The following NTRK2 variants were observed in gnomAD, a reference collection of about 807,000 sequenced individuals.
NTRK2 encodes the protein neurotrophic receptor tyrosine kinase 2, also known as BDNF/NT-3 growth factors receptor.
Under a neutral mutation model 94.5 loss-of-function variants are expected in NTRK2, and 13 were observed. The ratio of observed to expected loss-of-function variants is 0.14; its 90% confidence interval spans 0.09 to 0.22. The LOEUF is 0.22. Among genes scored for constraint, NTRK2 ranks in the 10% least tolerant of loss-of-function variants. The probability of loss-of-function intolerance (pLI) is 1.00; values close to 1 mark genes in which losing one functional copy is unlikely to be tolerated. For missense variants in NTRK2, 639 were observed against 1,071.2 expected (o/e 0.60, Z 5.63); for synonymous variants, 372 against 407.4 (o/e 0.91, Z 1.05).
intron 12 of NTRK2, among the ~76,000 whole-genome samples, chr9:84,776,201 T>C (rs2067023337): frequency 6.6e-6 from 1 of 151,150 alleles, no homozygotes; most frequent in Non-Finnish European, 1.5e-5. Context: ...ATACAGACTG[T>C]TTAAAAGCTT....
rs2068422814 is a variant in NTRK2, at chr9:84,788,892, C to A, written c.1396+36807C>A. Among the ~76,000 whole-genome samples the A allele has an allele frequency of 2.0e-5, 3 of 152,098 alleles. No individual in the cohort carries two copies. The South Asian group carries it at 6.2e-4, about 32-fold the overall frequency. On this transcript the variant is annotated intron_variant, in intron 12 of 18. Transcript: ENST00000277120. ...CAAGGAATTAGAACACAGCCCACACCCATCCATTAGGAAGTCATTAGCCTA... is the reference window on the plus strand; with the variant it reads ...CAAGGAATTAGAACACAGCCCACACACATCCATTAGGAAGTCATTAGCCTA...
At chr9:84,807,166 G>T (rs145984500) in intron 12 of NTRK2, among the ~76,000 whole-genome samples, 66 of 152,304 alleles carry the variant, frequency 4.3e-4, no homozygotes, top group African/African-American at 1.5e-3. Flanking sequence ...TAAATGTACT[G>T]CAGATCCTTG....
At chr9:84,676,263 G>T (rs2059046126) in intron 2 of NTRK2, among the ~76,000 whole-genome samples, 2 of 152,318 alleles carry the variant, frequency 1.3e-5, no homozygotes, top group South Asian at 4.1e-4. Flanking sequence ...CGGTCACGGA[G>T]ATAAGGAAGT....
chr9:84,949,445 GATTTATTTATTTATTT>G (rs71959281), intron 16 of NTRK2, among the ~76,000 whole-genome samples: 76 of 147,902 alleles, frequency 5.1e-4, no homozygotes, highest in Middle Eastern at 3.5e-3. Context: ...GATTGGTTGG[GATTTATTTATTTATTT>G]ATTTATTTAT....
intron 12 of NTRK2, chr9:84,812,350 C>G (rs199826443): frequency 1.9e-6 from 2 of 1,058,810 alleles, no homozygotes; most frequent in Non-Finnish European, 2.3e-6. Flanking sequence ...CATACCCATG[C>G]CTTAAAGAGG....
rs192458320 is a variant in NTRK2 at position 84,690,781 on chromosome 9, T to C, written c.213-11378T>C. Among the ~76,000 whole-genome samples, 19 of 152,274 alleles carry C rather than the reference T, an allele frequency of 1.2e-4. 1 individual carries two copies. In the East Asian group the frequency reaches 3.7e-3, roughly 29 times the overall value. ...GATTGAAGTTTCAAGATTTTACTTTTTAATGAGCATTCATTCTGAAATTTT... is the reference window on the plus strand; with the variant it reads ...GATTGAAGTTTCAAGATTTTACTTTCTAATGAGCATTCATTCTGAAATTTT... On this transcript the variant is annotated intron_variant, in intron 2 of 18. Transcript: ENST00000277120.
intron 12 of NTRK2, among the ~76,000 whole-genome samples, chr9:84,759,817 A>AT (rs1215972359): frequency 6.6e-6 from 1 of 151,528 alleles, no homozygotes; most frequent in East Asian, 1.9e-4. Flanking sequence ...CTAATTTTAT[A>AT]TTTTTTCCTC....
At chr9:84,758,652 A>G (rs1262086085) in intron 12 of NTRK2, among the ~76,000 whole-genome samples, 1 of 152,154 alleles carries the variant, frequency 6.6e-6, no homozygotes, top group Non-Finnish European at 1.5e-5. Flanking sequence ...CAGCCTCCCA[A>G]AGTGTTTGGA....
intron 12 of NTRK2, among the ~76,000 whole-genome samples, chr9:84,829,852 T>C (rs1307407735): frequency 1.3e-5 from 2 of 152,220 alleles, no homozygotes; most frequent in African/African-American, 4.8e-5. Flanking sequence ...GCTGCTGCCT[T>C]TCCACAAGGG....
intron 14 of NTRK2, among the ~76,000 whole-genome samples, chr9:84,880,170 CT>C (rs1389080635): frequency 3.3e-5 from 5 of 152,184 alleles, no homozygotes; most frequent in Non-Finnish European, 7.3e-5. Context: ...AGTGGGTTCA[CT>C]CCTCGGAGAT....
intron 12 of NTRK2, among the ~76,000 whole-genome samples, chr9:84,803,172 G>A (rs1457684474): frequency 6.6e-6 from 1 of 152,188 alleles, no homozygotes; most frequent in Non-Finnish European, 1.5e-5. Context: ...AATTCTCACT[G>A]TAGCTAGGTA....
intron 15 of NTRK2, 152 bp from the exon 16 acceptor site, chr9:84,948,310 G>A: frequency 1.3e-6 from 1 of 788,922 alleles, no homozygotes; most frequent in African/African-American, 1.7e-5. Context: ...TATGCCTAAG[G>A]AGTTATTCCT....
chr9:84,776,884 AT>A lies in NTRK2; in HGVS notation c.1396+24800del, dbSNP rs1457414503. Among the ~76,000 whole-genome samples, 9 of 152,332 alleles carry A rather than the reference AT, an allele frequency of 5.9e-5. No individual in the cohort carries two copies. In the East Asian group the frequency reaches 1.7e-3, roughly 29 times the overall value. ...ACTTTATTTTGGAAGGCTGTTCACT[AT>A]ACAAACATCTTTGAAAAGATAATCC... On this transcript the variant is annotated intron_variant, in intron 12 of 18. Coordinates refer to ENST00000277120, the MANE Select transcript of NTRK2 (RefSeq NM_006180.6).
At chr9:84,798,362 A>T (rs978061320) in intron 12 of NTRK2, among the ~76,000 whole-genome samples, 2 of 152,154 alleles carry the variant, frequency 1.3e-5, no homozygotes, top group South Asian at 4.1e-4. Context: ...TTCAGACCAT[A>T]GGAGGGGTAT....
At position 85,026,732 on chromosome 9, in the gene NTRK2, C is replaced by T. The variant is rs1833054440; in HGVS notation, c.*5295C>T. On this transcript the variant is annotated 3_prime_UTR_variant, in exon 19 of 19. Transcript: ENST00000277120. ...CGTATACACACACATTTCCATATCT[C>T]TCTACAGATATATTTCCCCTTCAAT... 1 of 232,904 alleles carries T rather than the reference C, an allele frequency of 4.3e-6. No individual in the cohort carries two copies. Among genetic ancestry groups the T allele is most frequent in the Non-Finnish European group, 8.5e-6 (1 of 117,936 alleles). The allele number at this position is 232,904 out of a possible 1,614,324, so 14.4% of individuals were successfully genotyped here.
intron 12 of NTRK2, among the ~76,000 whole-genome samples, chr9:84,802,427 G>T (rs2070601665): frequency 6.6e-6 from 1 of 152,218 alleles, no homozygotes; most frequent in South Asian, 2.1e-4. Context: ...GAGGAGAAGA[G>T]AGAATCCTTC....
intron 17 of NTRK2, among the ~76,000 whole-genome samples, chr9:84,986,475 G>A (rs1474284953): frequency 2.6e-5 from 4 of 152,114 alleles, no homozygotes; most frequent in Non-Finnish European, 5.9e-5. Flanking sequence ...CTGATAGGAG[G>A]CGGACCCCAG....
At chr9:84,950,943 A>AT (rs1564494975) in intron 16 of NTRK2, among the ~76,000 whole-genome samples, 2 of 152,160 alleles carry the variant, frequency 1.3e-5, no homozygotes, top group Non-Finnish European at 2.9e-5. Flanking sequence ...TCTCATTTCC[A>AT]TGGGTGCTGA....
chr9:84,694,051 T>C (rs568539033), intron 2 of NTRK2, among the ~76,000 whole-genome samples: 1 of 152,334 alleles, frequency 6.6e-6, no homozygotes, highest in Admixed American at 6.5e-5. Context: ...TAAAGGTCCA[T>C]TGTGCAAAAA....
Sources: allele counts gnomAD v4.1 joint callset (sites outside exome capture counted in the v4.1 genomes callset), GRCh38; gene constraint gnomAD v4.1.1; transcripts MANE v1.5; gene names NCBI Gene and HGNC (gene_info 2026-07-23, HGNC 2026-07-21).